Variants in ASIC2 observed in about 807,000 individuals in gnomAD.
ASIC2 encodes acid sensing ion channel subunit 2, also known as acid-sensing ion channel 2.
A neutral mutation model predicts 57.3 loss-of-function variants in ASIC2; 25 were observed. The observed-to-expected ratio is 0.44, with a 90% CI of 0.32 to 0.61. The LOEUF (loss-of-function observed/expected upper bound fraction) is 0.61, where lower values mean the gene tolerates loss of function less well. Among genes scored for constraint, ASIC2 ranks in the 20% least tolerant of loss-of-function variants. The probability of loss-of-function intolerance (pLI) is 0.06; values close to 1 mark genes in which losing one functional copy is unlikely to be tolerated. For synonymous variants in ASIC2, 319 were observed against 307.5 expected, an observed-to-expected ratio of 1.04 and a Z score of -0.39; for missense variants, 641 against 738.1, an observed-to-expected ratio of 0.87 and a Z score of 1.52.
At chr17:33,885,561 A>G (rs1914808846) in intron 1 of ASIC2, among the ~76,000 whole-genome samples, 2 of 152,226 alleles carry the variant, frequency 1.3e-5, no homozygotes, top group African/African-American at 4.8e-5. Context: ...TTGCAGAAGA[A>G]AAAAATGACA....
chr17:33,489,430 C>G (rs770129435), intron 1 of ASIC2, among the ~76,000 whole-genome samples: 10 of 152,180 alleles, frequency 6.6e-5, no homozygotes, highest in Non-Finnish European at 1.2e-4. Context: ...AGCCAGTGCT[C>G]GCAGCCAGAA....
chr17:33,372,513 G>A (rs1423548343), intron 1 of ASIC2, among the ~76,000 whole-genome samples: 1 of 152,112 alleles, frequency 6.6e-6, no homozygotes, highest in African/African-American at 2.4e-5. Flanking sequence ...ACCATCTGCA[G>A]GTGACCTTCT....
In ASIC2 at chr17:33,979,543, C is replaced by G. The variant is rs540281658; in HGVS notation, c.555+176435G>C. On this transcript the variant is annotated intron_variant, in intron 1 of 9. Transcript: ENST00000359872. The stretch of plus-strand genomic sequence containing the variant: ...AGCCAGCATCAGCCCTCTCTGCACT[C>G]GACCTCCTCAGGTACCAAGATGGGT... Among the ~76,000 whole-genome samples the G allele has an allele frequency of 2.0e-5, 3 of 152,278 alleles. No individual in the cohort carries two copies. In the South Asian group the frequency reaches 6.2e-4, roughly 32 times the overall value.
intron 1 of ASIC2, among the ~76,000 whole-genome samples, chr17:33,462,959 C>G (rs760164405): frequency 3.3e-5 from 5 of 152,330 alleles, no homozygotes; most frequent in Admixed American, 2.6e-4. Context: ...GTCCCTCCCA[C>G]TTACTTCCTG....
At chr17:33,916,370 T>A (rs1915585996) in intron 1 of ASIC2, among the ~76,000 whole-genome samples, 1 of 152,126 alleles carries the variant, frequency 6.6e-6, no homozygotes, top group Admixed American at 6.5e-5. Flanking sequence ...GAGAGAGAGC[T>A]GGGCTGGGCA....
rs1209437019 is a variant in ASIC2 at position 33,515,618 on chromosome 17, C to T, written c.556-403551G>A. 1.3e-5 allele frequency among the ~76,000 whole-genome samples: 2 copies of T among 152,212 alleles called. 1 individual carries two copies. The highest frequency in any genetic ancestry group is 2.9e-5 in the Non-Finnish European group (2 of 68,042). ...CTATTTATTTTTAAGGCTACTCATC[C>T]TCTTCCAGGCCTTGTCTGACCCACG... is the stretch of plus-strand genomic sequence containing the variant. On this transcript the variant is annotated intron_variant, in intron 1 of 9. Transcript: ENST00000359872.
chr17:34,127,033 A>G (rs1407039067), intron 1 of ASIC2, among the ~76,000 whole-genome samples: 2 of 152,204 alleles, frequency 1.3e-5, no homozygotes, highest in East Asian at 1.9e-4. Flanking sequence ...GGGAGGGCCC[A>G]TGGATAAGCA....
intron 1 of ASIC2, among the ~76,000 whole-genome samples, chr17:33,844,015 T>G (rs188658424): frequency 2.6e-5 from 4 of 152,274 alleles, no homozygotes; most frequent in Non-Finnish European, 4.4e-5. Context: ...TATAGAGGTG[T>G]TCAGGCATAA....
At chr17:33,965,192 C>A (rs561137970) in intron 1 of ASIC2, among the ~76,000 whole-genome samples, 1 of 152,160 alleles carries the variant, frequency 6.6e-6, no homozygotes, top group Non-Finnish European at 1.5e-5. Context: ...TGCTGATATT[C>A]CACTTTATAG....
At chr17:33,641,703 A>T (rs1906570050) in intron 1 of ASIC2, among the ~76,000 whole-genome samples, 1 of 152,200 alleles carries the variant, frequency 6.6e-6, no homozygotes, top group South Asian at 2.1e-4. Context: ...CCCCTTGAAG[A>T]TACCAAAACC....
Position 33,260,972 on chromosome 17 carries a change from A to G in ASIC2, c.708+30436T>C, listed in dbSNP as rs189083594. 4.5e-3 allele frequency among the ~76,000 whole-genome samples: 679 copies of G among 152,302 alleles called. 5 individuals carry two copies. Among genetic ancestry groups the G allele is most frequent in the African/African-American group, 0.015 (621 of 41,562 alleles). ...TTCAGAACCCTTTTAAGCCTCTCCA[A>G]CAAACATTCTGATTTCATTCCTTAT... On this transcript the variant is annotated intron_variant, in intron 1 of 9. Transcript: ENST00000225823.
At chr17:34,095,726 GATAT>G (rs536224608) in intron 1 of ASIC2, among the ~76,000 whole-genome samples, 4 of 140,732 alleles carry the variant, frequency 2.8e-5, no homozygotes, top group African/African-American at 7.8e-5. Context: ...TATATAGAGA[GATAT>G]ATATATAATT....
At chr17:33,514,444 T>C (rs186054823) in intron 1 of ASIC2, among the ~76,000 whole-genome samples, 8 of 152,120 alleles carry the variant, frequency 5.3e-5, no homozygotes, top group East Asian at 1.9e-4. Flanking sequence ...ATTGAGAAAT[T>C]TGGGGGGAAT....
intron 1 of ASIC2, among the ~76,000 whole-genome samples, chr17:33,527,440 C>T (rs577604192): frequency 9.2e-5 from 14 of 152,256 alleles, no homozygotes; most frequent in African/African-American, 2.9e-4. Flanking sequence ...GAAAGGAACA[C>T]ACGTGGTTCC....
At chr17:33,229,589 C>T (rs1908014846) in intron 1 of ASIC2, among the ~76,000 whole-genome samples, 1 of 152,156 alleles carries the variant, frequency 6.6e-6, no homozygotes, top group Non-Finnish European at 1.5e-5. Context: ...AGGGAAGATA[C>T]AGTGTGAAGA....
intron 3 of ASIC2, among the ~76,000 whole-genome samples, chr17:33,046,325 A>G (rs755220758): frequency 1.4e-4 from 21 of 152,292 alleles, no homozygotes; most frequent in Non-Finnish European, 2.5e-4. Flanking sequence ...TGTATTTGAA[A>G]TGGAAGTTGG....
At chr17:33,383,044 C>CAA (rs1176797229) in intron 1 of ASIC2, among the ~76,000 whole-genome samples, 1 of 151,852 alleles carries the variant, frequency 6.6e-6, no homozygotes, top group Non-Finnish European at 1.5e-5. Flanking sequence ...AACAAACAAA[C>CAA]AAACAAACAC....
chr17:34,007,838 G>A (rs140716286), intron 1 of ASIC2, among the ~76,000 whole-genome samples: 3 of 152,278 alleles, frequency 2.0e-5, no homozygotes, highest in Non-Finnish European at 2.9e-5. Flanking sequence ...AAGCAGAAAC[G>A]CTTTACAGTT....
intron 1 of ASIC2, among the ~76,000 whole-genome samples, chr17:33,755,633 T>A (rs965153357): frequency 6.6e-6 from 1 of 152,202 alleles, no homozygotes; most frequent in Non-Finnish European, 1.5e-5. Context: ...CCAAACACTG[T>A]GCTCTGTTTG....
Sources: allele counts gnomAD v4.1 joint callset (sites outside exome capture counted in the v4.1 genomes callset), GRCh38; gene constraint gnomAD v4.1.1; transcripts MANE v1.5; gene names NCBI Gene and HGNC (gene_info 2026-07-23, HGNC 2026-07-21).